Variants in CISH observed in about 807,000 individuals in gnomAD.
CISH encodes the protein cytokine-inducible SH2-containing protein.
Under a neutral mutation model 21.3 loss-of-function variants are expected in CISH, and 11 were observed. The ratio of observed to expected loss-of-function variants is 0.52; its 90% CI spans 0.32 to 0.85. The LOEUF (loss-of-function observed/expected upper bound fraction) is 0.85, where lower values mean the gene tolerates loss of function less well. Ranked by LOEUF, CISH falls within the 40% of genes least tolerant of loss-of-function variation. The pLI, the probability that CISH is intolerant of heterozygous loss-of-function variation, is 0.03. For missense variants in CISH, 280 were observed against 351.7 expected (o/e 0.80, Z 1.63); for synonymous variants, 118 against 142.3 (o/e 0.83, Z 1.22).
chr3:50,609,321 A>G (rs1181048722), intron 1 of CISH: 1 of 152,272 alleles, frequency 6.6e-6, no homozygotes, highest in African/African-American at 2.4e-5. Context: ...GCTCCCACCA[A>G]GGGCAGGGAC....
Position 50,607,702 on chromosome 3 carries a change from G to A in CISH, c.682C>T (p.Arg228Cys), listed in dbSNP as rs199577641. The change falls in exon 3 of 3, where the codon CGC (arginine) becomes TGC (cysteine). Residue 228 changes from arginine to cysteine, a missense_variant. Coordinates refer to ENST00000348721, the MANE Select transcript of CISH (RefSeq NM_145071.4). ...GCCACCAGACGGTTGATGACAAGGC[G>A]GCACAGGTGTTGCAGGCTGCGGGCA... The part of the protein sequence containing the change: ...SSARSLQHLC[R>C]LVINRLVADV... The A allele has an allele frequency of 6.2e-6, 10 of 1,613,860 alleles. No homozygotes were observed. Among genetic ancestry groups the A allele is most frequent in the Admixed American group, 1.7e-5 (1 of 60,022 alleles).
chr3:50,608,651 A>C, intron 1 of CISH, 58 bp from the exon 2 acceptor site: 2 of 1,251,806 alleles, frequency 1.6e-6, no homozygotes, highest in Non-Finnish European at 1.1e-6. Context: ...ATCTCCAGAG[A>C]CCCCCCTATG....
At chr3:50,610,994 G>A (rs1013981161) in intron 1 of CISH, 18 of 991,638 alleles carry the variant, frequency 1.8e-5, no homozygotes, top group Admixed American at 5.9e-5. Flanking sequence ...ATTTGAAGAT[G>A]AGAGGCAGGA....
intron 1 of CISH, 100 bp from the exon 2 acceptor site, chr3:50,608,693 C>T (rs1267929070): frequency 4.9e-6 from 4 of 819,048 alleles, no homozygotes; most frequent in Non-Finnish European, 7.0e-6. Flanking sequence ...TCTGGCTGGC[C>T]CATCTCACTA....
chr3:50,607,394 A>C lies in CISH; in HGVS notation c.*213T>G, dbSNP rs1174030181. 3.4e-6 allele frequency: 2 copies of C among 592,076 alleles called. No individual in the cohort carries two copies. Among genetic ancestry groups the C allele is most frequent in the Admixed American group, 3.0e-5 (1 of 33,520 alleles). 36.7% of individuals were successfully genotyped at this position (592,076 alleles called of 1,614,324 possible). The stretch of plus-strand genomic sequence containing the variant: ...CTCTGACACATGGCTCAGTATAATG[A>C]AGCCACATGCGGCCTGGGGGCATTT... On this transcript the variant is annotated 3_prime_UTR_variant, in exon 3 of 3. Coordinates refer to ENST00000348721, the MANE Select transcript of CISH (RefSeq NM_145071.4).
At chr3:50,609,344 C>T (rs2032254541) in intron 1 of CISH, 1 of 152,282 alleles carries the variant, frequency 6.6e-6, no homozygotes, top group African/African-American at 2.4e-5. Context: ...AATCCACACT[C>T]CAGTTCCCAC....
At chr3:50,608,898 T>G in intron 1 of CISH, 8 of 322,866 alleles carry the variant, frequency 2.5e-5, no homozygotes, top group Non-Finnish European at 3.4e-5. Flanking sequence ...ACACAGATCA[T>G]TCCCTATAGG....
chr3:50,610,254 C>T, intron 1 of CISH: 3 of 1,198,872 alleles, frequency 2.5e-6, no homozygotes, highest in East Asian at 5.2e-5. Context: ...TGGCCACGTC[C>T]AGATAGCTTA....
rs1201904508 is a variant in CISH, at chr3:50,607,874, A to G, written c.510T>C (p.Asp170=). The change falls in exon 3 of 3, where the codon GAT becomes GAC. Residue 170 remains aspartate, a synonymous_variant. Coordinates refer to ENST00000348721, the MANE Select transcript of CISH (RefSeq NM_145071.4). ...VQHYVASCTA[D]TRSDSPDPAP... ...CAGGATCGGGGCTGTCGCTTCGGGTATCAGCAGTGCAGGAGGCCACATAGT... is the reference window on the plus strand; with the variant it reads ...CAGGATCGGGGCTGTCGCTTCGGGTGTCAGCAGTGCAGGAGGCCACATAGT... 6.2e-7 allele frequency: 1 copy of G among 1,613,702 alleles called. No individual in the cohort carries two copies. The highest frequency in any genetic ancestry group is 1.7e-5 in the Admixed American group (1 of 60,000).
Position 50,607,720 on chromosome 3 carries a change from T to C in CISH, c.664A>G (p.Ser222Gly), listed in dbSNP as rs1185255986. The part of the protein sequence containing the change: ...QPFVRRSSAR[S>G]LQHLCRLVIN... Reference sequence around the variant, plus strand: ...ACAAGGCGGCACAGGTGTTGCAGGCTGCGGGCACTGCTTCTGCGTACAAAG... The same window carrying C: ...ACAAGGCGGCACAGGTGTTGCAGGCCGCGGGCACTGCTTCTGCGTACAAAG... Residue 222 changes from serine to glycine, a missense_variant, in exon 3 of 3, where the codon AGC becomes GGC. Ser to Gly is a moderately conservative substitution (Grantham distance 56). Transcript: ENST00000348721. The C allele has an allele frequency of 1.2e-6, 2 of 1,613,866 alleles. No homozygotes were observed. The highest frequency in any genetic ancestry group is 8.5e-7 in the Non-Finnish European group (1 of 1,179,916).
intron 1 of CISH, 123 bp downstream of exon 1, chr3:50,611,508 C>T (rs2032324754): frequency 6.7e-7 from 1 of 1,494,024 alleles, no homozygotes; most frequent in Admixed American, 2.4e-5. Flanking sequence ...CTCCTGAGGT[C>T]CGTCTGCGCT....
At chr3:50,611,330 G>T in intron 1 of CISH, 4 of 1,323,926 alleles carry the variant, frequency 3.0e-6, no homozygotes, top group Non-Finnish European at 3.8e-6. Context: ...CATCTTGGGG[G>T]ACGCCGTGCC....
At chr3:50,608,287 T>G (rs1169958949) in intron 2 of CISH, 86 bp downstream of exon 2, 1 of 1,470,522 alleles carries the variant, frequency 6.8e-7, no homozygotes, top group African/African-American at 1.4e-5. Context: ...GGCCGGGCTA[T>G]GCCTCCCAAA....
At position 50,611,715 on chromosome 3, in the gene CISH, A is replaced by T; in HGVS notation, c.-65T>A. The T allele has an allele frequency of 1.4e-6, 2 of 1,433,706 alleles. No individual in the cohort carries two copies. 88.8% of individuals were successfully genotyped at this position (1,433,706 alleles called of 1,614,324 possible). A position where few individuals can be genotyped will look rare whatever the true frequency, so the allele number is the denominator to read the frequency against. Reference sequence around the variant, plus strand: ...TGGACGGCGGCGGCTGGAGGGAACCAGTGGGCGCGGAGCGCGTGCTGGGTA... The same window carrying T: ...TGGACGGCGGCGGCTGGAGGGAACCTGTGGGCGCGGAGCGCGTGCTGGGTA... On this transcript the variant is annotated 5_prime_UTR_variant, in exon 1 of 3. Coordinates refer to ENST00000348721, the MANE Select transcript of CISH (RefSeq NM_145071.4).
intron 1 of CISH, chr3:50,610,197 C>G: frequency 1.4e-6 from 1 of 703,134 alleles, no homozygotes; most frequent in Non-Finnish European, 2.4e-6. Context: ...GCTACCTTCC[C>G]AGGAGCATGG....
chr3:50,607,540 G>A lies in CISH; in HGVS notation c.*67C>T. Reference sequence around the variant, plus strand: ...TGGAGGAGGGACAGTGGGGGCCCAAGTCCAGCTGGGGCTGATGTCCCCTCC... The same window carrying A: ...TGGAGGAGGGACAGTGGGGGCCCAAATCCAGCTGGGGCTGATGTCCCCTCC... On this transcript the variant is annotated 3_prime_UTR_variant, in exon 3 of 3. Coordinates refer to ENST00000348721, the MANE Select transcript of CISH (RefSeq NM_145071.4). The A allele has an allele frequency of 6.6e-7, 1 of 1,515,976 alleles. No homozygotes were observed. The highest frequency in any genetic ancestry group is 8.9e-7 in the Non-Finnish European group (1 of 1,118,498). 93.9% of individuals were successfully genotyped at this position (1,515,976 alleles called of 1,614,324 possible).
Position 50,611,689 on chromosome 3 carries a change from C to A in CISH, c.-39G>T. On this transcript the variant is annotated 5_prime_UTR_variant, in exon 1 of 3. Coordinates refer to ENST00000348721, the MANE Select transcript of CISH (RefSeq NM_145071.4). ...CGGCGACTCCGGAGTGGGGACTCGG[C>A]TGGACGGCGGCGGCTGGAGGGAACC... The A allele has an allele frequency of 1.4e-6, 2 of 1,461,906 alleles. No individual in the cohort carries two copies. Among genetic ancestry groups the A allele is most frequent in the Non-Finnish European group, 1.8e-6 (2 of 1,107,796 alleles). The allele number at this position is 1,461,906 out of a possible 1,614,324, so 90.6% of individuals were successfully genotyped here.
intron 1 of CISH, chr3:50,610,675 G>T (rs1245074708): frequency 7.2e-7 from 1 of 1,396,490 alleles, no homozygotes. Context: ...GGGAGAAGTA[G>T]TCTTCCCAGC....
At chr3:50,608,677 A>G in intron 1 of CISH, 84 bp from the exon 2 acceptor site, 3 of 1,029,344 alleles carry the variant, frequency 2.9e-6, no homozygotes, top group Non-Finnish European at 4.0e-6. Flanking sequence ...GACTAGTTTC[A>G]TGACCTCTGG....
Sources: gnomAD v4.1 joint callset for allele counts on GRCh38, gnomAD v4.1.1 for gene constraint, MANE v1.5 for transcripts, NCBI Gene and HGNC (gene_info 2026-07-23, HGNC 2026-07-21) for gene names.